NAA20: variants seen among roughly 807,000 people sequenced by gnomAD.
The protein encoded by NAA20 is N-alpha-acetyltransferase 20.
Under a neutral mutation model 23.8 loss-of-function variants are expected in NAA20, and 24 were observed. The ratio of observed to expected loss-of-function variants is 1.01; its 90% confidence interval spans 0.73 to 1.42. The LOEUF (loss-of-function observed/expected upper bound fraction) is 1.42, where lower values mean the gene tolerates loss of function less well. Ranked by LOEUF, NAA20 falls within the 40% of genes most tolerant of loss-of-function variation. The pLI is 0.00. For synonymous variants in NAA20, 83 were observed against 77.7 expected (o/e 1.07, Z -0.36); for missense variants, 166 against 223.1 (o/e 0.74, Z 1.63).
intron 4 of NAA20, among the ~76,000 whole-genome samples, chr20:20,030,469 A>G (rs866277874): frequency 6.6e-6 from 1 of 152,224 alleles, no homozygotes; most frequent in African/African-American, 2.4e-5. Context: ...TAGTAGTGAT[A>G]CACTGAATGC....
chr20:20,017,536 G>C, intron 1 of NAA20, 87 bp downstream of exon 1: 3 of 1,508,704 alleles, frequency 2.0e-6, no homozygotes, highest in Non-Finnish European at 2.7e-6. Flanking sequence ...GCGCCTTCCC[G>C]GCCGGACCCC....
In NAA20 at chr20:20,019,444, G is replaced by GA. The variant is rs531043355; in HGVS notation, c.53+1997dup. On this transcript the variant is annotated intron_variant, in intron 1 of 5. Transcript: ENST00000334982. ...GCCTCATGGAGAATCAGTTTTAACT[G>GA]AAGATCTAGGAAAGGACAACAGTTT... Among the ~76,000 whole-genome samples, 422 of 152,280 alleles carry GA rather than the reference G, an allele frequency of 2.8e-3. 1 individual carries two copies. The highest frequency in any genetic ancestry group is 9.3e-3 in the African/African-American group (385 of 41,558).
At chr20:20,017,672 AG>A in intron 1 of NAA20, 1 of 1,396,498 alleles carries the variant, frequency 7.2e-7, no homozygotes, top group Non-Finnish European at 9.3e-7. Context: ...ACCTTGGCCG[AG>A]GTGCTCAAAC....
chr20:20,024,168 C>A (rs1006622247), intron 2 of NAA20, among the ~76,000 whole-genome samples: 17 of 152,144 alleles, frequency 1.1e-4, no homozygotes, highest in African/African-American at 4.1e-4. Context: ...TGAGTTATAC[C>A]ATTACAAACA....
At chr20:20,031,530 A>T (rs978465790) in intron 4 of NAA20, among the ~76,000 whole-genome samples, 1 of 152,034 alleles carries the variant, frequency 6.6e-6, no homozygotes, top group Non-Finnish European at 1.5e-5. Context: ...GAACTTTTTA[A>T]AAAGGCCATA....
intron 1 of NAA20, among the ~76,000 whole-genome samples, chr20:20,020,468 A>G (rs2043259568): frequency 6.6e-6 from 1 of 152,194 alleles, no homozygotes; most frequent in African/African-American, 2.4e-5. Flanking sequence ...GGCAGGCCGC[A>G]TGGCTGGTAC....
upstream of NAA20, chr20:20,017,354 C>A: frequency 6.2e-7 from 1 of 1,608,212 alleles, no homozygotes; most frequent in Non-Finnish European, 8.5e-7. Context: ...GCAGGGCGGG[C>A]GCGGGGTCTT....
At chr20:20,028,424 C>T (rs1259703653) in intron 4 of NAA20, among the ~76,000 whole-genome samples, 1 of 151,936 alleles carries the variant, frequency 6.6e-6, no homozygotes. Flanking sequence ...CACCATGGCA[C>T]GCGTATACCT....
chr20:20,026,634 A>G (rs2146465138), intron 3 of NAA20, 150 bp from the exon 4 acceptor site: 1 of 742,578 alleles, frequency 1.3e-6, no homozygotes. Context: ...TTCAAATAAA[A>G]GCACTAACTG....
chr20:20,020,511 CAG>C (rs991487696), intron 1 of NAA20, among the ~76,000 whole-genome samples: 1 of 152,138 alleles, frequency 6.6e-6, no homozygotes, highest in African/African-American at 2.4e-5. Flanking sequence ...GGGATAACAG[CAG>C]AGAGTTAGAA....
At chr20:20,020,397 G>A (rs1288804082) in intron 1 of NAA20, among the ~76,000 whole-genome samples, 4 of 152,202 alleles carry the variant, frequency 2.6e-5, no homozygotes, top group African/African-American at 9.7e-5. Context: ...GAACACTGGG[G>A]GCCAGGGGAG....
chr20:20,017,629 T>G (rs2043240418), intron 1 of NAA20, 180 bp downstream of exon 1: 1 of 1,310,084 alleles, frequency 7.6e-7, no homozygotes, highest in Non-Finnish European at 1.0e-6. Context: ...CAGGGAGAGG[T>G]GGGCCTGGAG....
chr20:20,029,573 C>T (rs6046554), intron 4 of NAA20, among the ~76,000 whole-genome samples: 1,751 of 149,074 alleles, frequency 0.012, 24 homozygotes, highest in African/African-American at 0.041. Flanking sequence ...GCCAAGATCA[C>T]GCCATTGCAC....
Position 20,033,260 on chromosome 20 carries a change from G to C in NAA20, c.*73G>C. 8.1e-7 allele frequency: 1 copy of C among 1,235,876 alleles called. No individual in the cohort carries two copies. The highest frequency in any genetic ancestry group is 1.2e-6 in the Non-Finnish European group (1 of 854,200). 76.6% of individuals were successfully genotyped at this position (1,235,876 alleles called of 1,614,324 possible). ...ATATTATTTTCATTGGATGATTCTG[G>C]AGCTCTATTAGGAGAAAAGTAATCA... On this transcript the variant is annotated 3_prime_UTR_variant, in exon 6 of 6. Coordinates refer to ENST00000334982, the MANE Select transcript of NAA20 (RefSeq NM_016100.5).
intron 4 of NAA20, among the ~76,000 whole-genome samples, chr20:20,030,724 AACTT>A (rs58484945): frequency 0.088 from 13,368 of 152,012 alleles, 1,465 homozygotes; most frequent in East Asian, 0.61. Context: ...GAGGAAACAA[AACTT>A]ACTTATTTTG....
At chr20:20,021,178 A>G (rs1909277884) in intron 1 of NAA20, among the ~76,000 whole-genome samples, 2 of 152,104 alleles carry the variant, frequency 1.3e-5, no homozygotes, top group African/African-American at 4.8e-5. Context: ...TCAGTCGTCG[A>G]AAGGTGTGGT....
At chr20:20,029,620 A>C (rs2043329213) in intron 4 of NAA20, among the ~76,000 whole-genome samples, 2 of 148,042 alleles carry the variant, frequency 1.4e-5, no homozygotes, top group African/African-American at 5.2e-5. Context: ...CCATCTCAAA[A>C]AAAAAAAAAA....
chr20:20,018,596 G>C, intron 1 of NAA20: 1 of 162,360 alleles, frequency 6.2e-6, no homozygotes, highest in Admixed American at 5.8e-5. Flanking sequence ...CAGACAACTG[G>C]GATCAGTGCG....
chr20:20,026,146 A>G (rs1017817867), intron 3 of NAA20, among the ~76,000 whole-genome samples: 2 of 152,162 alleles, frequency 1.3e-5, no homozygotes, highest in African/African-American at 4.8e-5. Flanking sequence ...TCTACTAAAA[A>G]TACAAAAAAT....
Sources: allele counts gnomAD v4.1 joint callset (sites outside exome capture counted in the v4.1 genomes callset), GRCh38; gene constraint gnomAD v4.1.1; transcripts MANE v1.5; gene names NCBI Gene and HGNC (gene_info 2026-07-23, HGNC 2026-07-21).